Variants in ASAP1 observed in about 807,000 individuals in gnomAD.
ASAP1 encodes the protein arf-GAP with SH3 domain, ANK repeat and PH domain-containing protein 1.
Under a neutral mutation model 145.2 loss-of-function variants are expected in ASAP1, and 43 were observed. That is an observed-to-expected ratio of 0.30 (90% confidence interval 0.23 to 0.38). ASAP1 has a LOEUF of 0.38. ASAP1 is among the 10% of genes least tolerant of loss of function. The pLI, the probability that ASAP1 is intolerant of heterozygous loss-of-function variation, is 1.00. For missense variants in ASAP1, 1,018 were observed against 1,355.3 expected, an observed-to-expected ratio of 0.75 and a Z score of 3.91; for synonymous variants, 546 against 515.5, an observed-to-expected ratio of 1.06 and a Z score of -0.80.
Position 130,124,114 on chromosome 8 carries a change from A to G in ASAP1, c.1516-10T>C, listed in dbSNP as rs2097571088. The G allele has an allele frequency of 6.3e-7, 1 of 1,581,688 alleles. No individual in the cohort carries two copies. The highest frequency in any genetic ancestry group is 8.6e-7 in the Non-Finnish European group (1 of 1,164,550). ...CTACATTCTTGGCCAGCTGTAACAGAAAAAACAAACAACCACAATATAGCA... is the reference window on the plus strand; with the variant it reads ...CTACATTCTTGGCCAGCTGTAACAGGAAAAACAAACAACCACAATATAGCA... On this transcript the variant is annotated splice_polypyrimidine_tract_variant and intron_variant, in intron 17 of 29. Coordinates refer to ENST00000518721, the MANE Select transcript of ASAP1 (RefSeq NM_018482.4).
chr8:130,072,824 T>TGTGTGTGTGTGTGCACGCGCGCGC, intron 27 of ASAP1, among the ~76,000 whole-genome samples: 2 of 32,280 alleles, frequency 6.2e-5, no homozygotes, highest in Non-Finnish European at 1.1e-4. Context: ...TGTGTGTGTG[T>TGTGTGTGTGTGTGCACGCGCGCGC]GCGCGCGGGG....
chr8:130,149,626 C>T (rs2097641492), intron 13 of ASAP1, among the ~76,000 whole-genome samples: 1 of 152,156 alleles, frequency 6.6e-6, no homozygotes, highest in Admixed American at 6.5e-5. Context: ...GCCTTCAAAC[C>T]AAAGAATTTC....
At chr8:130,233,018 T>G (rs1429433525) in intron 4 of ASAP1, among the ~76,000 whole-genome samples, 2 of 152,210 alleles carry the variant, frequency 1.3e-5, no homozygotes, top group African/African-American at 2.4e-5. Context: ...ATTTAGTCAT[T>G]TTTAAAGAAT....
intron 4 of ASAP1, among the ~76,000 whole-genome samples, chr8:130,235,744 G>C (rs1389645419): frequency 6.6e-6 from 1 of 152,056 alleles, no homozygotes; most frequent in Non-Finnish European, 1.5e-5. Context: ...AAGGCCTAGG[G>C]GGGTTTAAAA....
intron 25 of ASAP1, among the ~76,000 whole-genome samples, chr8:130,087,330 G>A (rs1313232310): frequency 6.6e-6 from 1 of 152,154 alleles, no homozygotes; most frequent in African/African-American, 2.4e-5. Context: ...GACCAGCCTG[G>A]CCAACATGGT....
At chr8:130,100,859 A>AT (rs1451520917) in intron 24 of ASAP1, among the ~76,000 whole-genome samples, 1 of 151,808 alleles carries the variant, frequency 6.6e-6, no homozygotes. Flanking sequence ...TGCTTTGTCT[A>AT]TTTTTTTGTT....
chr8:130,423,142 C>T (rs368721211), intron 1 of ASAP1, among the ~76,000 whole-genome samples: 1 of 152,108 alleles, frequency 6.6e-6, no homozygotes, highest in African/African-American at 2.4e-5. Context: ...CTCGCTCTGT[C>T]ACCCAGGCTG....
intron 3 of ASAP1, among the ~76,000 whole-genome samples, chr8:130,268,313 T>C (rs553845504): frequency 5.4e-4 from 82 of 151,956 alleles, no homozygotes; most frequent in African/African-American, 1.7e-3. Flanking sequence ...CAGCAAGACT[T>C]TGCCTCTACA....
chr8:130,160,539 A>C (rs1375513282), intron 11 of ASAP1, among the ~76,000 whole-genome samples: 1 of 118,086 alleles, frequency 8.5e-6, no homozygotes, highest in Non-Finnish European at 1.7e-5. Flanking sequence ...TACAGCAGTG[A>C]AAAGTGTTAT....
chr8:130,184,312 G>T (rs1361997998), intron 7 of ASAP1, among the ~76,000 whole-genome samples: 1 of 152,204 alleles, frequency 6.6e-6, no homozygotes, highest in Non-Finnish European at 1.5e-5. Context: ...GTCTACCACA[G>T]CAATACATCA....
In ASAP1 at chr8:130,180,799, C is replaced by T. The variant is rs753785508; in HGVS notation, c.612G>A (p.Ala204=). ...GGCGCCTTTCCTTCTCCATTTCTTC[C>T]GCAATCTCAGCTCCTGTTATCTCTG... ...IRTEITGAEI[A]EEMEKERRLF... The change falls in exon 8 of 30, where the codon GCG becomes GCA. Residue 204 remains alanine, a synonymous_variant. Coordinates refer to ENST00000518721, the MANE Select transcript of ASAP1 (RefSeq NM_018482.4). 36 of 1,613,502 alleles carry T rather than the reference C, an allele frequency of 2.2e-5. No individual in the cohort carries two copies. The highest frequency in any genetic ancestry group is 3.3e-5 in the Admixed American group (2 of 59,922).
intron 1 of ASAP1, among the ~76,000 whole-genome samples, chr8:130,405,299 T>C (rs770311833): frequency 2.6e-5 from 4 of 152,066 alleles, no homozygotes; most frequent in Admixed American, 6.6e-5. Context: ...ACTCACAAGA[T>C]ATGAAATAAC....
intron 27 of ASAP1, among the ~76,000 whole-genome samples, chr8:130,068,317 G>A (rs929601810): frequency 3.3e-5 from 5 of 152,194 alleles, no homozygotes; most frequent in Admixed American, 6.5e-5. Flanking sequence ...TAGCCTTAAA[G>A]TTACCCACAA....
chr8:130,215,592 AAGTT>A (rs1174939131), intron 4 of ASAP1, among the ~76,000 whole-genome samples: 1 of 151,990 alleles, frequency 6.6e-6, no homozygotes, highest in Non-Finnish European at 1.5e-5. Flanking sequence ...AAATACAAAA[AAGTT>A]AGCCAGGTGT....
rs58245112 is a variant in ASAP1 at position 130,256,739 on chromosome 8, TTATATA to T, written c.187-19751_187-19746del. ...ATCTTCTTCCTGAATATACACATTC[TTATATA>T]TATATATATATATATATATATATAT... On this transcript the variant is annotated intron_variant, in intron 3 of 29. Transcript: ENST00000518721. Among the ~76,000 whole-genome samples the T allele has an allele frequency of 5.6e-3, 533 of 95,846 alleles. 6 individuals are homozygous for T. Among genetic ancestry groups the T allele is most frequent in the East Asian group, 9.7e-3 (35 of 3,592 alleles). The allele number at this position is 95,846 out of a possible 152,430, so 62.9% of individuals were successfully genotyped here. A position where few individuals can be genotyped will look rare whatever the true frequency, so the allele number is the denominator to read the frequency against.
intron 4 of ASAP1, among the ~76,000 whole-genome samples, chr8:130,230,105 C>T (rs1189023610): frequency 1.3e-5 from 2 of 148,698 alleles, no homozygotes; most frequent in Admixed American, 6.8e-5. Flanking sequence ...AACAAACAAA[C>T]ACCAACCCCA....
chr8:130,181,304 C>T (rs1225940105), intron 7 of ASAP1, among the ~76,000 whole-genome samples: 15 of 152,154 alleles, frequency 9.9e-5, no homozygotes, highest in Non-Finnish European at 2.2e-4. Flanking sequence ...TTTGATCTTA[C>T]ACATGACAGA....
chr8:130,138,778 C>T lies in ASAP1; in HGVS notation c.1081-1740G>A, dbSNP rs924776750. Among the ~76,000 whole-genome samples the T allele has an allele frequency of 2.0e-5, 3 of 148,100 alleles. No individual in the cohort carries two copies. The Middle Eastern group carries it at 0.011, about 529-fold the overall frequency. On this transcript the variant is annotated intron_variant, in intron 13 of 29. Transcript: ENST00000518721. The stretch of plus-strand genomic sequence containing the variant: ...TTGAACTTGGGAGGTGGAGGTTGCA[C>T]TGAGCCGAGATCTCGCCACTGCACT...
chr8:130,062,705 A>T (rs920091414), intron 27 of ASAP1, among the ~76,000 whole-genome samples: 3 of 152,224 alleles, frequency 2.0e-5, no homozygotes, highest in Non-Finnish European at 4.4e-5. Context: ...TTTATCCTAA[A>T]ACAGTGATCA....
Sources: gnomAD v4.1 joint callset for allele counts (sites outside exome capture counted in the v4.1 genomes callset) on GRCh38, gnomAD v4.1.1 for gene constraint, MANE v1.5 for transcripts, NCBI Gene and HGNC (gene_info 2026-07-23, HGNC 2026-07-21) for gene names.